Variants in PDE10A observed in about 807,000 individuals in gnomAD.
The protein encoded by PDE10A is cAMP and cAMP-inhibited cGMP 3',5'-cyclic phosphodiesterase 10A.
A neutral mutation model predicts 97.7 loss-of-function variants in PDE10A; 39 were observed. That is an observed-to-expected ratio of 0.40 (90% confidence interval 0.31 to 0.52). The LOEUF is 0.52. PDE10A is among the 20% of genes least tolerant of loss of function. The pLI, the probability that PDE10A is intolerant of heterozygous loss-of-function variation, is 0.56. For synonymous variants in PDE10A, 371 were observed against 376.8 expected (o/e 0.98, Z 0.18); for missense variants, 731 against 1,047.8 (o/e 0.70, Z 4.17).
Position 165,894,450 on chromosome 6 carries a change from A to T in PDE10A, c.-615+93079T>A, listed in dbSNP as rs531282958. 6.3e-4 allele frequency: 285 copies of T among 455,982 alleles called. 4 individuals carry two copies. Among genetic ancestry groups the T allele is most frequent in the South Asian group, 4.2e-3 (274 of 64,560 alleles). The allele number at this position is 455,982 out of a possible 1,614,324, so 28.2% of individuals were successfully genotyped here. ...CAAGGCCTGCATTCAGGCTCCAAAA[A>T]ATCAATTGAACAAGTGGTGGAGAGG... On this transcript the variant is annotated intron_variant, in intron 1 of 19. Transcript: ENST00000366882.
At chr6:165,822,637 C>T (rs1052746694) in intron 1 of PDE10A, among the ~76,000 whole-genome samples, 7 of 151,444 alleles carry the variant, frequency 4.6e-5, no homozygotes, top group Non-Finnish European at 7.4e-5. Flanking sequence ...AAGAGTGCAC[C>T]GGTACAAGAC....
At chr6:165,669,510 A>C (rs1370730243) in intron 1 of PDE10A, among the ~76,000 whole-genome samples, 1 of 152,240 alleles carries the variant, frequency 6.6e-6, no homozygotes, top group African/African-American at 2.4e-5. Flanking sequence ...ATACATGTAA[A>C]TAGTAATTGA....
rs1491371303 is a variant in PDE10A at position 165,333,005 on chromosome 6, CGT to C, written c.*18_*19del. 3.6e-6 allele frequency: 5 copies of C among 1,380,832 alleles called. No individual in the cohort carries two copies. The highest frequency in any genetic ancestry group is 5.1e-6 in the Non-Finnish European group (5 of 980,164). 85.5% of individuals were successfully genotyped at this position (1,380,832 alleles called of 1,614,324 possible). A position where few individuals can be genotyped will look rare whatever the true frequency, so the allele number is the denominator to read the frequency against. ...AGATGAGGATCTGTAGGTGGGACAG[CGT>C]GTCAGGGTGACCAGTGCTCAATCTT... On this transcript the variant is annotated 3_prime_UTR_variant, in exon 22 of 22. Transcript: ENST00000539869.
At chr6:165,899,251 GA>G (rs1782037252) in intron 1 of PDE10A, among the ~76,000 whole-genome samples, 1 of 152,188 alleles carries the variant, frequency 6.6e-6, no homozygotes, top group South Asian at 2.1e-4. Flanking sequence ...TCAACTTAAA[GA>G]AAAGATACTT....
chr6:165,568,348 G>A (rs199576847), intron 1 of PDE10A, among the ~76,000 whole-genome samples: 6 of 151,922 alleles, frequency 3.9e-5, no homozygotes, highest in East Asian at 1.9e-4. Flanking sequence ...CCTTATCCAC[G>A]GTTTCACTTT....
chr6:165,619,649 CTAGTGTAGTATAGTCTAGTG>C (rs1788017261), intron 1 of PDE10A, among the ~76,000 whole-genome samples: 2 of 86,980 alleles, frequency 2.3e-5, no homozygotes, highest in African/African-American at 1.2e-4. Flanking sequence ...GTAGTATAGT[CTAGTGTAGTATAGTCTAGTG>C]TAGTGTAGTC....
intron 1 of PDE10A, among the ~76,000 whole-genome samples, chr6:165,970,788 AAAACAG>A (rs1385726362): frequency 6.6e-6 from 1 of 152,212 alleles, no homozygotes; most frequent in Non-Finnish European, 1.5e-5. Flanking sequence ...TACAACAACA[AAAACAG>A]TGCATTGGAG....
chr6:165,894,925 TC>T (rs1470922377), intron 1 of PDE10A, among the ~76,000 whole-genome samples: 1 of 152,226 alleles, frequency 6.6e-6, no homozygotes, highest in Non-Finnish European at 1.5e-5. Context: ...ATATTTCATA[TC>T]CTACAATGAC....
At chr6:165,755,465 G>A (rs1022720837) in intron 1 of PDE10A, among the ~76,000 whole-genome samples, 1 of 152,112 alleles carries the variant, frequency 6.6e-6, no homozygotes, top group Non-Finnish European at 1.5e-5. Flanking sequence ...TGTCCCTGTC[G>A]TTCTGTCTTC....
intron 1 of PDE10A, among the ~76,000 whole-genome samples, chr6:165,830,780 C>T (rs1779886741): frequency 6.6e-6 from 1 of 152,176 alleles, no homozygotes; most frequent in Non-Finnish European, 1.5e-5. Context: ...CTTCAATTCT[C>T]CCCCATTTCT....
intron 2 of PDE10A, among the ~76,000 whole-genome samples, chr6:165,497,556 A>G (rs1780611613): frequency 6.6e-6 from 1 of 152,248 alleles, no homozygotes; most frequent in Admixed American, 6.5e-5. Flanking sequence ...ACATAAAAGC[A>G]AAGTTCAAGA....
At chr6:165,906,416 TGAATGACA>T (rs572249079) in intron 1 of PDE10A, among the ~76,000 whole-genome samples, 9 of 152,052 alleles carry the variant, frequency 5.9e-5, no homozygotes, top group Non-Finnish European at 1.3e-4. Context: ...CGAAGTCACT[TGAATGACA>T]GGGGTTATGC....
In PDE10A at chr6:165,525,151, G is replaced by C. The variant is rs553298144; in HGVS notation, c.994+18289C>G. Among the ~76,000 whole-genome samples, 18 of 152,264 alleles carry C rather than the reference G, an allele frequency of 1.2e-4. No homozygotes were observed. In the South Asian group the frequency reaches 1.7e-3, roughly 14 times the overall value. ...CCGGCGAGCCCCTAGAGGTAAAGTT[G>C]AGAGTGTGACCCATGAGGAGGTGCA... On this transcript the variant is annotated intron_variant, in intron 2 of 21. Coordinates refer to ENST00000539869, the MANE Select transcript of PDE10A (RefSeq NM_001385079.1).
intron 18 of PDE10A, among the ~76,000 whole-genome samples, chr6:165,371,059 C>T (rs1415240972): frequency 6.8e-6 from 1 of 146,526 alleles, no homozygotes; most frequent in Non-Finnish European, 1.5e-5. Flanking sequence ...ATACCAGAAT[C>T]TCTGGGACAC....
At chr6:165,469,981 T>C (rs1778892398) in intron 3 of PDE10A, among the ~76,000 whole-genome samples, 1 of 152,190 alleles carries the variant, frequency 6.6e-6, no homozygotes, top group Non-Finnish European at 1.5e-5. Context: ...CACCCTTGGG[T>C]CCCATCACTT....
chr6:165,515,776 C>G lies in PDE10A; in HGVS notation c.994+27664G>C, dbSNP rs866380607. Among the ~76,000 whole-genome samples the G allele has an allele frequency of 5.3e-5, 8 of 152,142 alleles. No individual in the cohort carries two copies. In the South Asian group the frequency reaches 8.3e-4, roughly 16 times the overall value. ...TGACCTCATGATCCGCCCACCTCGG[C>G]TTCCCAAAGTGCTGGGATTACAGGA... On this transcript the variant is annotated intron_variant, in intron 2 of 21. Coordinates refer to ENST00000539869, the MANE Select transcript of PDE10A (RefSeq NM_001385079.1).
chr6:165,801,100 C>T (rs1778975598), intron 1 of PDE10A, among the ~76,000 whole-genome samples: 2 of 152,218 alleles, frequency 1.3e-5, no homozygotes, highest in Non-Finnish European at 2.9e-5. Flanking sequence ...TCTCTGAAAT[C>T]CTGTAACCAG....
chr6:165,688,209 A>T (rs1003706866), intron 1 of PDE10A, among the ~76,000 whole-genome samples: 2 of 151,994 alleles, frequency 1.3e-5, no homozygotes, highest in African/African-American at 4.8e-5. Context: ...ATCTAAAGAG[A>T]ATTGGTTTAC....
At chr6:165,795,127 G>A (rs1214152527) in intron 1 of PDE10A, among the ~76,000 whole-genome samples, 1 of 152,154 alleles carries the variant, frequency 6.6e-6, no homozygotes, top group Non-Finnish European at 1.5e-5. Context: ...TCATCTTCAG[G>A]GACCTGAACT....
Sources: gnomAD v4.1 joint callset for allele counts (sites outside exome capture counted in the v4.1 genomes callset) on GRCh38, gnomAD v4.1.1 for gene constraint, MANE v1.5 for transcripts, NCBI Gene and HGNC (gene_info 2026-07-23, HGNC 2026-07-21) for gene names.